Variants in CPEB1 observed in about 807,000 individuals in gnomAD.
CPEB1 encodes cytoplasmic polyadenylation element-binding protein 1.
In CPEB1, 7 loss-of-function variants were observed where a neutral mutation model predicts 65.8. That is an observed-to-expected ratio of 0.11 (90% confidence interval 0.06 to 0.20). The LOEUF is 0.20. Among genes scored for constraint, CPEB1 ranks in the 10% least tolerant of loss-of-function variants. The pLI is 1.00. For missense variants in CPEB1, 551 were observed against 712.2 expected, an observed-to-expected ratio of 0.77 and a Z score of 2.58; for synonymous variants, 262 against 260.0, an observed-to-expected ratio of 1.01 and a Z score of -0.08.
rs1215845856 is a variant in CPEB1, at chr15:82,558,119, T to C, written c.461-133A>G. On this transcript the variant is annotated intron_variant, in intron 4 of 12. Coordinates refer to ENST00000684509, the MANE Select transcript of CPEB1 (RefSeq NM_001365242.1). Reference sequence around the variant, plus strand: ...CTAAAAGCATGCCAGCAAAACACAATATAATGAACAGATATATATCCAGCT... The same window carrying C: ...CTAAAAGCATGCCAGCAAAACACAACATAATGAACAGATATATATCCAGCT... The C allele has an allele frequency of 4.8e-6, 3 of 623,220 alleles. No individual in the cohort carries two copies. The East Asian group carries it at 8.4e-5, about 17-fold the overall frequency. 38.6% of individuals were successfully genotyped at this position (623,220 alleles called of 1,614,324 possible). A position where few individuals can be genotyped will look rare whatever the true frequency, so the allele number is the denominator to read the frequency against.
intron 1 of CPEB1, among the ~76,000 whole-genome samples, chr15:82,637,370 A>G (rs148178287): frequency 0.018 from 2,698 of 152,062 alleles, 29 homozygotes; most frequent in Non-Finnish European, 0.026. Context: ...TTTGGAGTCC[A>G]TTTTTTCTCA....
chr15:82,636,742 T>C (rs963798952), intron 1 of CPEB1, among the ~76,000 whole-genome samples: 1 of 152,204 alleles, frequency 6.6e-6, no homozygotes, highest in African/African-American at 2.4e-5. Context: ...TCTGCTGCAT[T>C]TGCAGGCACT....
At chr15:82,572,690 T>A (rs1281615438) in intron 3 of CPEB1, among the ~76,000 whole-genome samples, 1 of 152,142 alleles carries the variant, frequency 6.6e-6, no homozygotes, top group Non-Finnish European at 1.5e-5. Context: ...TGAAACCTAA[T>A]CACCTAGCTC....
chr15:82,552,671 A>AGGTG, intron 8 of CPEB1, 55 bp from the exon 9 acceptor site: 4 of 1,589,432 alleles, frequency 2.5e-6, no homozygotes, highest in Non-Finnish European at 3.4e-6. Context: ...GCCACTCCTC[A>AGGTG]GCCTTGGCTT....
intron 1 of CPEB1, among the ~76,000 whole-genome samples, chr15:82,640,167 A>G (rs1008862798): frequency 3.2e-4 from 48 of 152,140 alleles, no homozygotes; most frequent in African/African-American, 1.1e-3. Flanking sequence ...GTTTTGTCCT[A>G]TTTTTAGGGA....
At chr15:82,560,844 G>A (rs1391077628) in intron 4 of CPEB1, among the ~76,000 whole-genome samples, 1 of 152,220 alleles carries the variant, frequency 6.6e-6, no homozygotes, top group African/African-American at 2.4e-5. Context: ...GGACTTAAAG[G>A]ATTTTCTCCA....
Position 82,544,355 on chromosome 15 carries a change from A to C in CPEB1, c.*237T>G. 8 of 189,120 alleles carry C rather than the reference A, an allele frequency of 4.2e-5. No homozygotes were observed. Among genetic ancestry groups the C allele is most frequent in the Non-Finnish European group, 6.3e-5 (6 of 95,676 alleles). 11.7% of individuals were successfully genotyped at this position (189,120 alleles called of 1,614,324 possible). A position where few individuals can be genotyped will look rare whatever the true frequency, so the allele number is the denominator to read the frequency against. ...CTGGGAAAACTACAGAGTCGCTTGG[A>C]GGGTAAGCCAGAGGGTCCTTGCCCT... is the stretch of plus-strand genomic sequence containing the variant. On this transcript the variant is annotated 3_prime_UTR_variant, in exon 13 of 13. Transcript: ENST00000684509.
At chr15:82,616,950 G>C (rs1227530916) in intron 3 of CPEB1, among the ~76,000 whole-genome samples, 1 of 152,136 alleles carries the variant, frequency 6.6e-6, no homozygotes, top group Non-Finnish European at 1.5e-5. Context: ...ATCACCAAAA[G>C]TCAAGGTAAT....
chr15:82,627,956 G>A (rs912554393), intron 2 of CPEB1, among the ~76,000 whole-genome samples: 1 of 152,130 alleles, frequency 6.6e-6, no homozygotes, highest in East Asian at 1.9e-4. Context: ...AGAATGCCAT[G>A]AATTCAACAA....
intron 10 of CPEB1, among the ~76,000 whole-genome samples, 179 bp from the exon 11 acceptor site, chr15:82,547,416 C>G (rs2035445724): frequency 6.6e-6 from 1 of 151,348 alleles, no homozygotes; most frequent in South Asian, 2.1e-4. Context: ...CCTGCCTCAG[C>G]CTCCCGAGTA....
intron 3 of CPEB1, among the ~76,000 whole-genome samples, chr15:82,590,771 G>C (rs78702683): frequency 0.018 from 2,685 of 152,210 alleles, 29 homozygotes; most frequent in Non-Finnish European, 0.025. Flanking sequence ...TGTGGTATTT[G>C]ATTTTGTGAT....
At chr15:82,573,060 AAGG>A (rs1429839066) in intron 3 of CPEB1, 2 of 1,535,380 alleles carry the variant, frequency 1.3e-6, no homozygotes, top group African/African-American at 2.7e-5. Context: ...CCCCTGTTGC[AAGG>A]AGAAGCAAGC....
intron 12 of CPEB1, among the ~76,000 whole-genome samples, chr15:82,546,002 G>GT: frequency 1.1e-5 from 1 of 88,902 alleles, no homozygotes; most frequent in East Asian, 2.4e-4. Flanking sequence ...GCTATCTAAA[G>GT]TATGTCTGTC....
intron 3 of CPEB1, chr15:82,571,961 T>A: frequency 1.5e-6 from 1 of 671,718 alleles, no homozygotes; most frequent in Non-Finnish European, 1.8e-6. Flanking sequence ...TGCCGTTAAG[T>A]CTGGGTTGCA....
At chr15:82,584,258 C>CAAAA (rs71156038) in intron 3 of CPEB1, among the ~76,000 whole-genome samples, 41 of 53,294 alleles carry the variant, frequency 7.7e-4, no homozygotes, top group East Asian at 1.4e-3. Flanking sequence ...GACTCCGTCT[C>CAAAA]AAAAAAAAAA....
intron 3 of CPEB1, among the ~76,000 whole-genome samples, chr15:82,580,036 A>C (rs2151094397): frequency 7.1e-6 from 1 of 141,046 alleles, no homozygotes; most frequent in Middle Eastern, 3.9e-3. Flanking sequence ...GAAAAGAAAT[A>C]ATGGGCCAGG....
intron 3 of CPEB1, among the ~76,000 whole-genome samples, chr15:82,615,841 T>C (rs889948737): frequency 1.3e-5 from 2 of 152,082 alleles, no homozygotes; most frequent in African/African-American, 2.4e-5. Flanking sequence ...TCTAGGTACA[T>C]ACTCAAGGAA....
At chr15:82,596,525 C>T (rs560812952) in intron 3 of CPEB1, among the ~76,000 whole-genome samples, 35 of 151,894 alleles carry the variant, frequency 2.3e-4, no homozygotes, top group African/African-American at 8.0e-4. Context: ...TGGCAAAACC[C>T]CGTCTCTACT....
At position 82,609,300 on chromosome 15, in the gene CPEB1, G is replaced by A. The variant is rs184030681; in HGVS notation, c.271+17893C>T. Among the ~76,000 whole-genome samples the A allele has an allele frequency of 2.0e-3, 297 of 152,144 alleles. 1 individual carries two copies. Among genetic ancestry groups the A allele is most frequent in the Middle Eastern group, 6.8e-3 (2 of 294 alleles). The stretch of plus-strand genomic sequence containing the variant: ...GGATCACTTGAGCCCAGGAGTTTGA[G>A]ACAGCCCAGGCAACATAGTGAGAGA... On this transcript the variant is annotated intron_variant, in intron 3 of 12. Transcript: ENST00000684509.
Sources: gnomAD v4.1 joint callset for allele counts (sites outside exome capture counted in the v4.1 genomes callset) on GRCh38, gnomAD v4.1.1 for gene constraint, MANE v1.5 for transcripts, NCBI Gene and HGNC (gene_info 2026-07-23, HGNC 2026-07-21) for gene names.